STAM: variants seen among roughly 807,000 people sequenced by gnomAD.
STAM encodes the protein signal transducing adaptor molecule.
In STAM, 16 loss-of-function variants were observed where a neutral mutation model predicts 63.4. The observed-to-expected ratio is 0.25, with a 90% CI of 0.17 to 0.38. STAM has a LOEUF of 0.38. Among genes scored for constraint, STAM ranks in the 10% least tolerant of loss-of-function variants. The pLI, the probability that STAM is intolerant of heterozygous loss-of-function variation, is 1.00. For synonymous variants in STAM, 238 were observed against 223.9 expected (o/e 1.06, Z -0.56); for missense variants, 636 against 657.1 (o/e 0.97, Z 0.35).
At chr10:17,665,327 T>C (rs1236726708) in intron 2 of STAM, among the ~76,000 whole-genome samples, 1 of 152,186 alleles carries the variant, frequency 6.6e-6, no homozygotes, top group Non-Finnish European at 1.5e-5. Flanking sequence ...TTCACATGGC[T>C]CAAATGTTAA....
At chr10:17,659,034 G>A (rs540607269) in intron 1 of STAM, among the ~76,000 whole-genome samples, 1 of 151,398 alleles carries the variant, frequency 6.6e-6, no homozygotes, top group East Asian at 1.9e-4. Flanking sequence ...TCTTTTTTTG[G>A]CTTTTGTGAT....
At chr10:17,654,906 A>G (rs558482364) in intron 1 of STAM, among the ~76,000 whole-genome samples, 1 of 152,322 alleles carries the variant, frequency 6.6e-6, no homozygotes, top group Admixed American at 6.5e-5. Flanking sequence ...TTCTCTTATT[A>G]TTCCAAATTT....
At chr10:17,694,957 A>C (rs1835690591) in intron 6 of STAM, 92 bp from the exon 7 acceptor site, 12 of 1,220,636 alleles carry the variant, frequency 9.8e-6, no homozygotes, top group Admixed American at 2.3e-5. Context: ...CTATTGAAGG[A>C]AGAATACCTT....
At chr10:17,712,211 C>T (rs562042478) in intron 13 of STAM, among the ~76,000 whole-genome samples, 20 of 152,272 alleles carry the variant, frequency 1.3e-4, no homozygotes, top group Middle Eastern at 6.8e-3. Flanking sequence ...CCTGTGAAGT[C>T]GGTAAACTAT....
chr10:17,693,088 C>T, intron 5 of STAM, 134 bp from the exon 6 acceptor site: 1 of 667,204 alleles, frequency 1.5e-6, no homozygotes, highest in South Asian at 2.1e-5. Flanking sequence ...AAGGTGGAAG[C>T]TGCTGCAGTT....
intron 1 of STAM, among the ~76,000 whole-genome samples, chr10:17,649,406 AAAAG>A (rs1413984799): frequency 6.6e-6 from 1 of 151,874 alleles, no homozygotes; most frequent in Non-Finnish European, 1.5e-5. Context: ...AAAAAAAAAA[AAAAG>A]AATTAAAAAA....
chr10:17,654,021 G>A (rs782322373), intron 1 of STAM, among the ~76,000 whole-genome samples: 2 of 152,146 alleles, frequency 1.3e-5, no homozygotes. Flanking sequence ...AGTGCCTGGG[G>A]ACCCCAGAGC....
chr10:17,677,522 C>T (rs1043329593), intron 2 of STAM, among the ~76,000 whole-genome samples: 15 of 152,230 alleles, frequency 9.9e-5, no homozygotes, highest in Non-Finnish European at 4.4e-5. Flanking sequence ...AACTGCAAGT[C>T]AGTATGGGGT....
intron 2 of STAM, among the ~76,000 whole-genome samples, chr10:17,683,640 C>T (rs1460894714): frequency 6.6e-6 from 1 of 151,556 alleles, no homozygotes. Flanking sequence ...ATTTTTTTGT[C>T]TCTAGACTTT....
chr10:17,667,215 C>T (rs1307052124), intron 2 of STAM, among the ~76,000 whole-genome samples: 4 of 152,006 alleles, frequency 2.6e-5, no homozygotes, highest in Non-Finnish European at 5.9e-5. Flanking sequence ...CAACTTCTGC[C>T]TCCCAAGTTC....
At position 17,684,715 on chromosome 10, in the gene STAM, C is replaced by T. The variant is rs1835224082; in HGVS notation, c.166C>T (p.His56Tyr). The change falls in exon 3 of 14, where the codon CAC becomes TAC. Residue 56 changes from histidine (H) to tyrosine (Y), a missense_variant. By Grantham distance (83) the His-to-Tyr change is moderately conservative. Around this residue, in one of 3 missense-constraint regions of STAM, gnomAD observed 87 missense variants for 80.3 expected, o/e 1.08. Coordinates refer to ENST00000377524, the MANE Select transcript of STAM (RefSeq NM_003473.4). The stretch of plus-strand genomic sequence containing the variant: ...TCGGTCTATTATGAGAAGAGTGAAC[C>T]ACAAAGATCCTCACGTTGCTATGCA... ...CLRSIMRRVN[H>Y]KDPHVAMQAL... The T allele has an allele frequency of 2.5e-6, 4 of 1,613,830 alleles. No homozygotes were observed. Among genetic ancestry groups the T allele is most frequent in the African/African-American group, 1.3e-5 (1 of 74,890 alleles).
At chr10:17,696,959 GCC>G in intron 8 of STAM, 90 bp downstream of exon 8, 1 of 1,056,124 alleles carries the variant, frequency 9.5e-7, no homozygotes, top group Non-Finnish European at 1.4e-6. Context: ...GAGCAGTGTT[GCC>G]CAGGCTGGAG....
chr10:17,671,548 C>G (rs1207280205), intron 2 of STAM, among the ~76,000 whole-genome samples: 3 of 152,110 alleles, frequency 2.0e-5, no homozygotes, highest in African/African-American at 7.2e-5. Flanking sequence ...TGGTATTGCT[C>G]CATTAGGGAT....
chr10:17,650,813 C>T (rs1034685982), intron 1 of STAM, among the ~76,000 whole-genome samples: 1 of 152,120 alleles, frequency 6.6e-6, no homozygotes, highest in African/African-American at 2.4e-5. Flanking sequence ...CGCCTATAAT[C>T]CCAGCACTTT....
intron 2 of STAM, among the ~76,000 whole-genome samples, chr10:17,667,062 C>G (rs782661386): frequency 9.9e-5 from 15 of 151,948 alleles, no homozygotes; most frequent in African/African-American, 2.7e-4. Flanking sequence ...AGTGAGAAAT[C>G]TAATTGATAT....
intron 8 of STAM, 99 bp downstream of exon 8, chr10:17,696,968 G>A (rs1835786610): frequency 5.6e-6 from 5 of 892,676 alleles, no homozygotes; most frequent in Non-Finnish European, 8.9e-6. Flanking sequence ...TGCCCAGGCT[G>A]GAGTGCAGTG....
intron 2 of STAM, among the ~76,000 whole-genome samples, chr10:17,671,708 A>G (rs902998960): frequency 6.6e-6 from 1 of 152,194 alleles, no homozygotes; most frequent in African/African-American, 2.4e-5. Flanking sequence ...TTAACCATGC[A>G]AACATATTTG....
intron 2 of STAM, among the ~76,000 whole-genome samples, chr10:17,668,652 A>G (rs1834499839): frequency 6.6e-6 from 1 of 152,128 alleles, no homozygotes; most frequent in African/African-American, 2.4e-5. Flanking sequence ...TTAAACAGCC[A>G]CTGATCTTTT....
chr10:17,664,623 T>G (rs562889870), intron 2 of STAM, among the ~76,000 whole-genome samples: 1 of 152,288 alleles, frequency 6.6e-6, no homozygotes, highest in Admixed American at 6.5e-5. Flanking sequence ...AAATACCTGA[T>G]GTGCTTTAGA....
Sources: gnomAD v4.1 joint callset for allele counts (sites outside exome capture counted in the v4.1 genomes callset) on GRCh38, gnomAD v4.1.1 for gene constraint, gnomAD v4.1.1 regional missense constraint, MANE v1.5 for transcripts, NCBI Gene and HGNC (gene_info 2026-07-23, HGNC 2026-07-21) for gene names.